GPR157: variants seen among roughly 807,000 people sequenced by gnomAD.
GPR157 encodes the protein G protein-coupled receptor 157, also known as G-protein coupled receptor 157.
A neutral mutation model predicts 23.5 loss-of-function variants in GPR157; 16 were observed. The ratio of observed to expected loss-of-function variants is 0.68; its 90% CI spans 0.46 to 1.04. The LOEUF is 1.04. Among genes scored for constraint, GPR157 ranks in the 50% least tolerant of loss-of-function variants. GPR157 has a pLI of 0.00. For synonymous variants in GPR157, 200 were observed against 221.5 expected (o/e 0.90, Z 0.86); for missense variants, 440 against 460.7 (o/e 0.96, Z 0.41).
Position 9,118,088 on chromosome 1 carries a change from C to A in GPR157, c.384-6599G>T, listed in dbSNP as rs1270855439. On this transcript the variant is annotated intron_variant, in intron 1 of 3. Coordinates refer to ENST00000377411, the MANE Select transcript of GPR157 (RefSeq NM_024980.5). The surrounding 1 kb of genome is among the most constrained non-coding windows in gnomAD (Gnocchi z 4.6). Reference sequence around the variant, plus strand: ...GCTCACATTCTAAACCTGAGACTGACAAGCTGGCGCCAGTGCCAGGTCACC... The same window carrying A: ...GCTCACATTCTAAACCTGAGACTGAAAAGCTGGCGCCAGTGCCAGGTCACC... Among the ~76,000 whole-genome samples the A allele has an allele frequency of 6.6e-6, 1 of 152,180 alleles. No homozygotes were observed. The highest frequency in any genetic ancestry group is 1.9e-4 in the East Asian group (1 of 5,200).
intron 1 of GPR157, among the ~76,000 whole-genome samples, chr1:9,116,437 T>G (rs1638680582): frequency 8.1e-6 from 1 of 123,578 alleles, no homozygotes. Flanking sequence ...GCAAAATAGC[T>G]ATGACACGAT....
intron 1 of GPR157, among the ~76,000 whole-genome samples, chr1:9,123,174 A>AAAAAATATATATAT (rs1553175764): frequency 7.7e-5 from 9 of 117,086 alleles, no homozygotes; most frequent in African/African-American, 2.7e-4. Flanking sequence ...AAAAAAAAAA[A>AAAAAATATATATAT]ATATATATAT....
rs748587906 is a variant in GPR157, at chr1:9,128,650, G to C, written c.378C>G (p.Val126=). ...RTDRLLWAFH[V]VSWGVPLVIT... is the part of the protein sequence containing the mutation. ...GCAGCGCCACCGCCACCCACCTGAC[G>C]ACATGGAAGGCCCAAAGCAGGCGAT... The change falls in exon 1 of 4, where the codon GTC becomes GTG. Residue 126 remains valine, a synonymous_variant. Coordinates refer to ENST00000377411, the MANE Select transcript of GPR157 (RefSeq NM_024980.5). This position sits in a 1 kb window ranked among gnomAD's most constrained non-coding sequence, Gnocchi z 6.3. 1.2e-6 allele frequency: 2 copies of C among 1,612,858 alleles called. No homozygotes were observed. The highest frequency in any genetic ancestry group is 1.7e-6 in the Non-Finnish European group (2 of 1,179,828).
chr1:9,111,550 C>G, intron 1 of GPR157, 61 bp from the exon 2 acceptor site: 1 of 1,423,710 alleles, frequency 7.0e-7, no homozygotes, highest in Non-Finnish European at 9.8e-7. Flanking sequence ...CAATGTCAGC[C>G]TTCGCAAAAA....
intron 1 of GPR157, among the ~76,000 whole-genome samples, chr1:9,115,462 G>T (rs556452670): frequency 3.5e-4 from 53 of 152,214 alleles, no homozygotes; most frequent in African/African-American, 1.2e-3. Context: ...GTTAATTGAT[G>T]CTTTCATTTC....
At chr1:9,104,704 T>A in intron 3 of GPR157, 70 bp from the exon 4 acceptor site, 1 of 1,191,716 alleles carries the variant, frequency 8.4e-7, no homozygotes, top group Non-Finnish European at 1.2e-6. Context: ...CTGTTGCAAT[T>A]AAGAGAAACG....
chr1:9,111,188 C>A (rs956227219), intron 2 of GPR157, 88 bp downstream of exon 2: 2 of 1,258,304 alleles, frequency 1.6e-6, no homozygotes, highest in Non-Finnish European at 2.3e-6. Flanking sequence ...CGCAACCTGT[C>A]CCCTCGGGGG....
chr1:9,110,491 C>A (rs1006661222), intron 2 of GPR157, among the ~76,000 whole-genome samples: 4 of 152,060 alleles, frequency 2.6e-5, no homozygotes, highest in Non-Finnish European at 5.9e-5. Context: ...CCACTGCACT[C>A]CAACCTGGGC....
At position 9,105,358 on chromosome 1, in the gene GPR157, G is replaced by GCA; in HGVS notation, c.792+127_792+128insTG. On this transcript the variant is annotated intron_variant, in intron 3 of 3. Coordinates refer to ENST00000377411, the MANE Select transcript of GPR157 (RefSeq NM_024980.5). The surrounding 1 kb of genome is among the most constrained non-coding windows in gnomAD (Gnocchi z 4.8). ...GGCAGAGAGGAAGGCACAGCACAGTGGGGCCGAGCTCCTCCCTGCAGCTGT... is the reference window on the plus strand; with the variant it reads ...GGCAGAGAGGAAGGCACAGCACAGTGCAGGGCCGAGCTCCTCCCTGCAGCTGT... 1 of 787,438 alleles carries GCA rather than the reference G, an allele frequency of 1.3e-6. No individual in the cohort carries two copies. Among genetic ancestry groups the GCA allele is most frequent in the Non-Finnish European group, 2.0e-6 (1 of 499,732 alleles). The allele number at this position is 787,438 out of a possible 1,614,324, so 48.8% of individuals were successfully genotyped here. A position where few individuals can be genotyped will look rare whatever the true frequency, so the allele number is the denominator to read the frequency against.
chr1:9,124,742 T>C (rs947558830), intron 1 of GPR157, among the ~76,000 whole-genome samples: 2 of 152,230 alleles, frequency 1.3e-5, no homozygotes, highest in African/African-American at 4.8e-5. Context: ...CTGATTAATA[T>C]CTTGCTAATC....
rs141861416 is a variant in GPR157 at position 9,104,470 on chromosome 1, T to C, written c.957A>G (p.Pro319=). The C allele has an allele frequency of 1.2e-3, 1,890 of 1,613,388 alleles. 1 individual carries two copies. The highest frequency in any genetic ancestry group is 1.4e-3 in the Non-Finnish European group (1,705 of 1,179,898). ...GTPKAPAPSK[P]GESQESQGTP... ...TCCCTTGGGATTCCTGAGATTCTCC[T>C]GGCTTGGAAGGCGCGGGAGCCTTGG... Residue 319 remains proline (P), a synonymous_variant, in exon 4 of 4, where the codon CCA becomes CCG. Coordinates refer to ENST00000377411, the MANE Select transcript of GPR157 (RefSeq NM_024980.5).
chr1:9,121,214 C>T (rs1299392035), intron 1 of GPR157, among the ~76,000 whole-genome samples: 1 of 151,732 alleles, frequency 6.6e-6, no homozygotes, highest in Non-Finnish European at 1.5e-5. Flanking sequence ...CGCCTGTGAT[C>T]CCAGCTACTT....
Position 9,111,232 on chromosome 1 carries a change from C to T in GPR157, c.597+44G>A, listed in dbSNP as rs1292756854. ...CAATGCCAGGCCTTGCACCTGGGCA[C>T]AGCGGCCATGCAGAGGGCCCTGAGC... On this transcript the variant is annotated intron_variant, in intron 2 of 3. Transcript: ENST00000377411. 3.8e-6 allele frequency: 6 copies of T among 1,580,492 alleles called. No individual in the cohort carries two copies. The Admixed American group carries it at 8.4e-5, about 22-fold the overall frequency.
At chr1:9,108,070 C>T (rs1025046832) in intron 2 of GPR157, among the ~76,000 whole-genome samples, 2 of 152,180 alleles carry the variant, frequency 1.3e-5, no homozygotes, top group African/African-American at 4.8e-5. Context: ...GCCTGGGCAA[C>T]ACAGTGAGAC....
chr1:9,105,752 G>A lies in GPR157; in HGVS notation c.598-72C>T. The stretch of plus-strand genomic sequence containing the variant: ...CGCCACGTCCACCCAGGCTGCCCAG[G>A]TCTTCCCAGGGACTTGAACTAGCTC... On this transcript the variant is annotated intron_variant, in intron 2 of 3. Transcript: ENST00000377411. The surrounding 1 kb of genome is among the most constrained non-coding windows in gnomAD (Gnocchi z 4.8). 7.4e-7 allele frequency: 1 copy of A among 1,350,314 alleles called. No homozygotes were observed. Among genetic ancestry groups the A allele is most frequent in the Non-Finnish European group, 1.0e-6 (1 of 979,510 alleles). 83.6% of individuals were successfully genotyped at this position (1,350,314 alleles called of 1,614,324 possible). A position where few individuals can be genotyped will look rare whatever the true frequency, so the allele number is the denominator to read the frequency against.
intron 1 of GPR157, among the ~76,000 whole-genome samples, chr1:9,121,920 C>G (rs6577551): frequency 0.75 from 114,584 of 152,030 alleles, 43,704 homozygotes; most frequent in East Asian, 0.97. Context: ...GATGAACCGG[C>G]TCGGCCAGGA....
rs1222735281 is a variant in GPR157 at position 9,118,308 on chromosome 1, CAGGTGCTGGG to C, written c.384-6829_384-6820del. 2.0e-5 allele frequency among the ~76,000 whole-genome samples: 3 copies of C among 151,854 alleles called. No individual in the cohort carries two copies. The highest frequency in any genetic ancestry group is 7.3e-5 in the African/African-American group (3 of 41,330). The stretch of plus-strand genomic sequence containing the variant: ...TGCTCATGTTCAGGGGGTGCCATGA[CAGGTGCTGGG>C]TGGGGGTGCAAGGTGGGGATGTGGG... On this transcript the variant is annotated intron_variant, in intron 1 of 3. Transcript: ENST00000377411. The surrounding 1 kb of genome is among the most constrained non-coding windows in gnomAD (Gnocchi z 4.6).
intron 1 of GPR157, among the ~76,000 whole-genome samples, chr1:9,114,210 T>G (rs896571467): frequency 6.7e-6 from 1 of 149,552 alleles, no homozygotes; most frequent in African/African-American, 2.5e-5. Flanking sequence ...GTCCCTGTAA[T>G]CCCATCTTAG....
chr1:9,114,083 C>A (rs1638580743), intron 1 of GPR157, among the ~76,000 whole-genome samples: 1 of 151,604 alleles, frequency 6.6e-6, no homozygotes, highest in African/African-American at 2.4e-5. Context: ...ACTTTTGGGA[C>A]TTTGGGAGGC....
Sources: gnomAD v4.1 joint callset for allele counts (sites outside exome capture counted in the v4.1 genomes callset) on GRCh38, gnomAD v4.1.1 for gene constraint, Gnocchi (gnomAD v3.1) non-coding constraint, MANE v1.5 for transcripts, NCBI Gene and HGNC (gene_info 2026-07-23, HGNC 2026-07-21) for gene names.